The following MIPOL1 variants were observed in gnomAD, a reference collection of about 807,000 sequenced individuals.
MIPOL1 encodes mirror-image polydactyly gene 1 protein.
In MIPOL1, 57 loss-of-function variants were observed where a neutral mutation model predicts 60.9. The ratio of observed to expected loss-of-function variants is 0.94; its 90% CI spans 0.76 to 1.17. MIPOL1 has a LOEUF of 1.17. Among genes scored for constraint, MIPOL1 ranks in the 50% most tolerant of loss-of-function variants. MIPOL1 has a pLI of 0.00. For missense variants in MIPOL1, 551 were observed against 511.6 expected (o/e 1.08, Z -0.74); for synonymous variants, 179 against 168.8 (o/e 1.06, Z -0.47).
At chr14:37,515,331 C>T (rs1337706943) in intron 12 of MIPOL1, among the ~76,000 whole-genome samples, 2 of 150,266 alleles carry the variant, frequency 1.3e-5, no homozygotes, top group Non-Finnish European at 3.0e-5. Context: ...ACTACTTTAG[C>T]AGGTCTTTCT....
intron 10 of MIPOL1, among the ~76,000 whole-genome samples, chr14:37,415,894 T>C (rs2093760153): frequency 6.6e-6 from 1 of 152,130 alleles, no homozygotes; most frequent in Admixed American, 6.5e-5. Context: ...TGGCATGTCT[T>C]CCTATTTTGC....
intron 3 of MIPOL1, among the ~76,000 whole-genome samples, chr14:37,258,254 AT>A (rs1975292161): frequency 1.3e-5 from 2 of 152,132 alleles, no homozygotes; most frequent in South Asian, 4.1e-4. Flanking sequence ...TTATTGGAAA[AT>A]TTATCTTTTA....
intron 12 of MIPOL1, among the ~76,000 whole-genome samples, chr14:37,510,898 C>T (rs2095323027): frequency 6.6e-6 from 1 of 152,162 alleles, no homozygotes; most frequent in Non-Finnish European, 1.5e-5. Flanking sequence ...CCTCCCTCCC[C>T]TCACTGCCAC....
intron 9 of MIPOL1, among the ~76,000 whole-genome samples, chr14:37,338,146 G>A (rs536484385): frequency 2.8e-4 from 37 of 134,154 alleles, no homozygotes; most frequent in African/African-American, 9.0e-4. Flanking sequence ...TCGCTCTGTC[G>A]CCCAGGCTGG....
chr14:37,249,992 A>T (rs2153360701), intron 3 of MIPOL1, among the ~76,000 whole-genome samples: 1 of 152,308 alleles, frequency 6.6e-6, no homozygotes, highest in South Asian at 2.1e-4. Context: ...AGTACTACTG[A>T]TAAATGTCCA....
chr14:37,243,169 T>C (rs1972623022), intron 1 of MIPOL1, among the ~76,000 whole-genome samples: 1 of 152,202 alleles, frequency 6.6e-6, no homozygotes, highest in Non-Finnish European at 1.5e-5. Context: ...ATAATTTAAA[T>C]ATATGCCTTT....
chr14:37,380,117 G>A (rs1027181912), intron 10 of MIPOL1, among the ~76,000 whole-genome samples: 1 of 152,148 alleles, frequency 6.6e-6, no homozygotes, highest in Non-Finnish European at 1.5e-5. Flanking sequence ...CTGGGTCCAT[G>A]TAGACAGCTG....
intron 11 of MIPOL1, among the ~76,000 whole-genome samples, chr14:37,463,378 C>T (rs2094562062): frequency 6.6e-6 from 1 of 151,998 alleles, no homozygotes; most frequent in Admixed American, 6.5e-5. Flanking sequence ...GGACACAGAG[C>T]CAAATTATAT....
At chr14:37,363,182 G>C (rs1595410230) in intron 9 of MIPOL1, among the ~76,000 whole-genome samples, 1 of 152,318 alleles carries the variant, frequency 6.6e-6, no homozygotes. Context: ...CTTTGGAGAA[G>C]AAGAGGCACT....
At position 37,522,162 on chromosome 14, in the gene MIPOL1, A is replaced by G. The variant is rs556240584; in HGVS notation, c.1262+22024A>G. On this transcript the variant is annotated intron_variant, in intron 12 of 12. Coordinates refer to ENST00000684589, the MANE Select transcript of MIPOL1 (RefSeq NM_001388067.1). ...TATTAACAAAACACACCCCACAAAT[A>G]CATGCAAAAGTCAAATTATCTGAGT... Among the ~76,000 whole-genome samples the G allele has an allele frequency of 1.8e-3, 270 of 152,176 alleles. 2 individuals are homozygous for G. The highest frequency in any genetic ancestry group is 6.4e-3 in the African/African-American group (264 of 41,552).
intron 10 of MIPOL1, among the ~76,000 whole-genome samples, chr14:37,386,592 A>T (rs907703821): frequency 6.6e-6 from 1 of 152,014 alleles, no homozygotes; most frequent in Non-Finnish European, 1.5e-5. Context: ...CATAGAATTC[A>T]AGGAGTTTAT....
At chr14:37,371,683 T>G (rs1457700169) in intron 10 of MIPOL1, among the ~76,000 whole-genome samples, 4 of 152,170 alleles carry the variant, frequency 2.6e-5, no homozygotes, top group Non-Finnish European at 5.9e-5. Flanking sequence ...GAATAATTTT[T>G]TATTAATTTT....
chr14:37,209,650 A>T (rs1467348895), intron 1 of MIPOL1, among the ~76,000 whole-genome samples: 1 of 152,192 alleles, frequency 6.6e-6, no homozygotes, highest in Non-Finnish European at 1.5e-5. Context: ...ACAGAGCAAG[A>T]CTCCATCTCA....
chr14:37,369,672 G>A, intron 10 of MIPOL1, 48 bp downstream of exon 10: 1 of 1,432,850 alleles, frequency 7.0e-7, no homozygotes, highest in Middle Eastern at 1.8e-4. Flanking sequence ...GTAAGCCCTT[G>A]GTGCCAGCTT....
At chr14:37,321,738 T>C (rs1595125055) in intron 9 of MIPOL1, among the ~76,000 whole-genome samples, 2 of 152,128 alleles carry the variant, frequency 1.3e-5, no homozygotes, top group East Asian at 1.9e-4. Context: ...ATTTTATTTA[T>C]TTTGAAGCCA....
chr14:37,199,247 G>A (rs1410530196), intron 1 of MIPOL1, among the ~76,000 whole-genome samples: 2 of 152,208 alleles, frequency 1.3e-5, no homozygotes, highest in African/African-American at 2.4e-5. Context: ...ATTGCATCCC[G>A]GAAGCCCCAC....
chr14:37,356,754 C>T (rs960571433), intron 9 of MIPOL1, among the ~76,000 whole-genome samples: 1 of 152,330 alleles, frequency 6.6e-6, no homozygotes, highest in Middle Eastern at 3.4e-3. Flanking sequence ...CAATGCCTCG[C>T]CCTGCTTCGG....
intron 6 of MIPOL1, among the ~76,000 whole-genome samples, chr14:37,279,558 T>G (rs2083931363): frequency 6.6e-6 from 1 of 152,102 alleles, no homozygotes; most frequent in African/African-American, 2.4e-5. Context: ...ACATCTAACC[T>G]AATAGATGTT....
At chr14:37,387,953 C>T (rs1351914025) in intron 10 of MIPOL1, among the ~76,000 whole-genome samples, 2 of 150,988 alleles carry the variant, frequency 1.3e-5, no homozygotes, top group African/African-American at 4.9e-5. Context: ...ATAATTGAAC[C>T]AAGAGAAGGG....
Sources: allele counts gnomAD v4.1 joint callset (sites outside exome capture counted in the v4.1 genomes callset), GRCh38; gene constraint gnomAD v4.1.1; transcripts MANE v1.5; gene names NCBI Gene and HGNC (gene_info 2026-07-23, HGNC 2026-07-21).